Variants in PRKG2 observed in about 807,000 individuals in gnomAD.
The protein encoded by PRKG2 is cGMP-dependent protein kinase 2.
A neutral mutation model predicts 97.2 loss-of-function variants in PRKG2; 33 were observed. The ratio of observed to expected loss-of-function variants is 0.34; its 90% CI spans 0.26 to 0.45. The LOEUF is 0.45. PRKG2 is among the 20% of genes least tolerant of loss of function. The probability of loss-of-function intolerance (pLI) is 1.00; values close to 1 mark genes in which losing one functional copy is unlikely to be tolerated. For missense variants in PRKG2, 638 were observed against 900.0 expected (o/e 0.71, Z 3.73); for synonymous variants, 330 against 321.8 (o/e 1.03, Z -0.27).
chr4:81,175,405 CATT>C (rs1057094455), intron 2 of PRKG2: 2 of 152,298 alleles, frequency 1.3e-5, no homozygotes, highest in African/African-American at 2.4e-5. Context: ...ATTTAATCCT[CATT>C]ATCATATTAT....
At chr4:81,138,494 T>C (rs1423625681) in intron 12 of PRKG2, among the ~76,000 whole-genome samples, 5 of 152,210 alleles carry the variant, frequency 3.3e-5, no homozygotes, top group African/African-American at 9.6e-5. Flanking sequence ...TTCTCATTGT[T>C]TCTCAATGAA....
intron 15 of PRKG2, among the ~76,000 whole-genome samples, chr4:81,106,935 ACT>A (rs781544445): frequency 5.4e-4 from 82 of 152,180 alleles, no homozygotes; most frequent in Non-Finnish European, 1.0e-3. Context: ...CTGATCTGGG[ACT>A]TCCAACCTGC....
chr4:81,173,433 T>G (rs1269296964), intron 3 of PRKG2, among the ~76,000 whole-genome samples: 1 of 151,962 alleles, frequency 6.6e-6, no homozygotes, highest in African/African-American at 2.4e-5. Context: ...TCCTAGGAGG[T>G]TTCATAAATA....
chr4:81,173,825 C>T (rs1374252384), intron 3 of PRKG2: 2 of 152,122 alleles, frequency 1.3e-5, no homozygotes, highest in African/African-American at 4.8e-5. Context: ...CTTAGATTAT[C>T]AGGAACTACA....
chr4:81,103,699 A>G (rs1190601235), intron 17 of PRKG2, among the ~76,000 whole-genome samples: 3 of 152,156 alleles, frequency 2.0e-5, no homozygotes, highest in Non-Finnish European at 4.4e-5. Flanking sequence ...TTGATATTTC[A>G]AAGTATAATA....
intron 2 of PRKG2, among the ~76,000 whole-genome samples, chr4:81,196,092 G>A (rs1435304916): frequency 6.6e-6 from 1 of 152,208 alleles, no homozygotes; most frequent in Non-Finnish European, 1.5e-5. Context: ...GGGCCTGTGA[G>A]AGGGACGCAA....
intron 12 of PRKG2, 25 bp downstream of exon 12, chr4:81,140,508 C>A: frequency 1.9e-6 from 3 of 1,548,048 alleles, no homozygotes; most frequent in Non-Finnish European, 2.6e-6. Flanking sequence ...AATCCTAACT[C>A]CTTGGAAGCC....
chr4:81,185,127 A>C (rs1246354871), intron 2 of PRKG2, among the ~76,000 whole-genome samples: 2 of 152,176 alleles, frequency 1.3e-5, no homozygotes, highest in Admixed American at 1.3e-4. Flanking sequence ...AATATAGAGA[A>C]CACCACAAAG....
At chr4:81,153,893 C>G (rs956420230) in intron 6 of PRKG2, among the ~76,000 whole-genome samples, 172 bp from the exon 7 acceptor site, 6 of 152,170 alleles carry the variant, frequency 3.9e-5, no homozygotes, top group African/African-American at 9.6e-5. Flanking sequence ...ACAGTGGGCA[C>G]AGGTCAGTGG....
chr4:81,120,662 G>C (rs1402883452), intron 14 of PRKG2, among the ~76,000 whole-genome samples: 2 of 152,290 alleles, frequency 1.3e-5, no homozygotes, highest in Non-Finnish European at 2.9e-5. Context: ...CAACCTTGCT[G>C]TAAGTGCTTT....
chr4:81,119,724 G>A (rs1028170291), intron 14 of PRKG2, among the ~76,000 whole-genome samples: 1 of 151,720 alleles, frequency 6.6e-6, no homozygotes, highest in African/African-American at 2.4e-5. Context: ...GCCCAGGCTG[G>A]AGTGCAGTGG....
chr4:81,201,424 A>G (rs1256149998), intron 2 of PRKG2, among the ~76,000 whole-genome samples: 1 of 152,218 alleles, frequency 6.6e-6, no homozygotes, highest in Non-Finnish European at 1.5e-5. Flanking sequence ...GATCCTTGAA[A>G]TTAGAAAGAA....
At chr4:81,093,652 A>T (rs1741826741) in intron 17 of PRKG2, among the ~76,000 whole-genome samples, 1 of 152,172 alleles carries the variant, frequency 6.6e-6, no homozygotes, top group African/African-American at 2.4e-5. Context: ...AAACACACTT[A>T]AGCAGAAAAA....
At chr4:81,139,105 C>T (rs893149510) in intron 12 of PRKG2, among the ~76,000 whole-genome samples, 2 of 152,152 alleles carry the variant, frequency 1.3e-5, no homozygotes, top group African/African-American at 4.8e-5. Context: ...CCCATGAATT[C>T]ACAAGGATAG....
In PRKG2 at chr4:81,134,255, C is replaced by G. The variant is rs975319474; in HGVS notation, c.1776+900G>C. On this transcript the variant is annotated intron_variant, in intron 14 of 18. Transcript: ENST00000264399. ...GGGTGATGAAACCTATCTAACCTAT[C>G]TTACAGATTGTTAAATAGGTTAATT... Among the ~76,000 whole-genome samples the G allele has an allele frequency of 2.6e-5, 4 of 152,254 alleles. No individual in the cohort carries two copies. In the Middle Eastern group the frequency reaches 0.01, roughly 391 times the overall value.
intron 15 of PRKG2, 79 bp downstream of exon 15, chr4:81,110,364 TTAAAG>T (rs545108576): frequency 3.2e-4 from 445 of 1,383,388 alleles, no homozygotes; most frequent in Middle Eastern, 1.8e-3. Context: ...TGTTACGCTC[TTAAAG>T]TATATACACT....
At chr4:81,102,410 T>C (rs1174013574) in intron 17 of PRKG2, among the ~76,000 whole-genome samples, 2 of 152,208 alleles carry the variant, frequency 1.3e-5, no homozygotes, top group Non-Finnish European at 2.9e-5. Context: ...ATTGGAAGAA[T>C]GGCTTTAATT....
chr4:81,129,372 G>C (rs920089779), intron 14 of PRKG2, among the ~76,000 whole-genome samples: 1 of 151,996 alleles, frequency 6.6e-6, no homozygotes, highest in Non-Finnish European at 1.5e-5. Flanking sequence ...AAATATTCCA[G>C]GAATATTTAA....
At chr4:81,201,513 CAAA>C (rs1753312038) in intron 2 of PRKG2, among the ~76,000 whole-genome samples, 2 of 152,098 alleles carry the variant, frequency 1.3e-5, no homozygotes, top group Admixed American at 1.3e-4. Flanking sequence ...TACAATTAGA[CAAA>C]TTAAGTTACA....
Sources: allele counts gnomAD v4.1 joint callset (sites outside exome capture counted in the v4.1 genomes callset), GRCh38; gene constraint gnomAD v4.1.1; transcripts MANE v1.5; gene names NCBI Gene and HGNC (gene_info 2026-07-23, HGNC 2026-07-21).